SLC24A2: variants seen among roughly 807,000 people sequenced by gnomAD.
SLC24A2 encodes the protein sodium/potassium/calcium exchanger 2.
A neutral mutation model predicts 62.0 loss-of-function variants in SLC24A2; 36 were observed. The observed-to-expected ratio is 0.58, with a 90% CI of 0.44 to 0.77. The LOEUF is 0.77. Among genes scored for constraint, SLC24A2 ranks in the 30% least tolerant of loss-of-function variants. The pLI is 0.00. For synonymous variants in SLC24A2, 358 were observed against 294.0 expected (o/e 1.22, Z -2.23); for missense variants, 846 against 817.9 (o/e 1.03, Z -0.42).
At chr9:20,044,199 A>G in the SLC24A2 span, among the ~76,000 whole-genome samples, 5 of 152,110 alleles carry the variant, frequency 3.3e-5, no homozygotes, top group African/African-American at 4.8e-5. Context: ...GGTATTCCAC[A>G]CTTAATAGAC....
At chr9:20,236,174 T>A in the SLC24A2 span, among the ~76,000 whole-genome samples, 88 of 152,206 alleles carry the variant, frequency 5.8e-4, 1 homozygote, top group African/African-American at 2.1e-3. Flanking sequence ...CGTGTCTCTG[T>A]GCTAAAGAAA....
At chr9:19,587,088 G>A (rs1355558529) in intron 5 of SLC24A2, among the ~76,000 whole-genome samples, 1 of 152,130 alleles carries the variant, frequency 6.6e-6, no homozygotes, top group African/African-American at 2.4e-5. Flanking sequence ...TTTTGTCAAA[G>A]CCCATATTTT....
chr9:20,306,585 A>T, the SLC24A2 span, among the ~76,000 whole-genome samples: 1 of 152,258 alleles, frequency 6.6e-6, no homozygotes, highest in African/African-American at 2.4e-5. Flanking sequence ...GCCCAGAGCC[A>T]GGGAGGTGGC....
At chr9:19,534,155 A>C (rs1833841535) in intron 8 of SLC24A2, among the ~76,000 whole-genome samples, 1 of 152,174 alleles carries the variant, frequency 6.6e-6, no homozygotes, top group African/African-American at 2.4e-5. Flanking sequence ...TTGTACAGCT[A>C]ATCAGCTGTG....
intron 2 of SLC24A2, among the ~76,000 whole-genome samples, chr9:19,674,507 C>T (rs935402663): frequency 7.9e-5 from 12 of 152,268 alleles, no homozygotes; most frequent in Middle Eastern, 3.4e-3. Flanking sequence ...ACCAATTATT[C>T]CTAGGTTTGG....
chr9:19,595,916 T>A (rs1036209801), intron 5 of SLC24A2, among the ~76,000 whole-genome samples: 2 of 152,118 alleles, frequency 1.3e-5, no homozygotes, highest in African/African-American at 4.8e-5. Context: ...GCTCCTTCTA[T>A]CCCCTTGGTA....
Position 19,513,186 on chromosome 9 carries a change from A to ATATATATATATATATG in SLC24A2, c.*2966_*2967insCATATATATATATATA. ...TATATATATATATATGTATATATAT[A>ATATATATATATATATG]TATATGTATATATTTATATATGTAT... On this transcript the variant is annotated 3_prime_UTR_variant, in exon 11 of 11. Transcript: ENST00000341998. 7.3e-6 allele frequency: 1 copy of ATATATATATATATATG among 137,198 alleles called. No individual in the cohort carries two copies. Among genetic ancestry groups the ATATATATATATATATG allele is most frequent in the African/African-American group, 2.7e-5 (1 of 36,454 alleles). 8.5% of individuals were successfully genotyped at this position (137,198 alleles called of 1,614,324 possible). A position where few individuals can be genotyped will look rare whatever the true frequency, so the allele number is the denominator to read the frequency against.
intron 2 of SLC24A2, among the ~76,000 whole-genome samples, chr9:19,708,089 C>T (rs954376284): frequency 1.3e-5 from 2 of 152,144 alleles, no homozygotes; most frequent in African/African-American, 4.8e-5. Context: ...GCAAAAATCA[C>T]AAGCATTCTT....
the SLC24A2 span, among the ~76,000 whole-genome samples, chr9:20,294,936 A>G: frequency 1.3e-5 from 2 of 152,068 alleles, no homozygotes; most frequent in Non-Finnish European, 2.9e-5. Flanking sequence ...TCAAATTGTC[A>G]TTTACTAAGC....
At chr9:19,990,843 T>A in the SLC24A2 span, among the ~76,000 whole-genome samples, 1 of 108,974 alleles carries the variant, frequency 9.2e-6, no homozygotes, top group African/African-American at 3.5e-5. Context: ...AGTAGCTGTC[T>A]TGGTTATCAA....
the SLC24A2 span, among the ~76,000 whole-genome samples, chr9:19,915,630 T>C: frequency 6.6e-6 from 1 of 152,112 alleles, no homozygotes; most frequent in East Asian, 1.9e-4. Context: ...ATGATAGTAG[T>C]TCTAGTAGGT....
the SLC24A2 span, among the ~76,000 whole-genome samples, chr9:20,105,858 T>C: frequency 6.6e-6 from 1 of 151,740 alleles, no homozygotes. Flanking sequence ...AGAGCAGAAC[T>C]GAAGGAAATA....
intron 2 of SLC24A2, among the ~76,000 whole-genome samples, chr9:19,623,584 T>C (rs985743207): frequency 1.3e-5 from 2 of 152,254 alleles, no homozygotes; most frequent in Non-Finnish European, 1.5e-5. Context: ...TCATTTAAGT[T>C]AGGATTAGCA....
the SLC24A2 span, among the ~76,000 whole-genome samples, chr9:19,905,419 T>A: frequency 1.3e-5 from 2 of 152,014 alleles, no homozygotes; most frequent in Admixed American, 6.5e-5. Flanking sequence ...TTTTTTTTTT[T>A]TCTTTTGAGA....
intron 8 of SLC24A2, among the ~76,000 whole-genome samples, chr9:19,537,088 G>C (rs929320166): frequency 6.6e-6 from 1 of 151,494 alleles, no homozygotes; most frequent in Non-Finnish European, 1.5e-5. Flanking sequence ...GTTCACTGTA[G>C]ATTCTGGATA....
At chr9:19,831,086 G>T in the SLC24A2 span, among the ~76,000 whole-genome samples, 3 of 152,132 alleles carry the variant, frequency 2.0e-5, no homozygotes, top group Non-Finnish European at 4.4e-5. Flanking sequence ...CTTTTATAAG[G>T]GTACTAATCC....
At chr9:19,724,022 T>C (rs575764593) in intron 2 of SLC24A2, among the ~76,000 whole-genome samples, 2 of 152,206 alleles carry the variant, frequency 1.3e-5, no homozygotes, top group Non-Finnish European at 2.9e-5. Context: ...TGATATAATC[T>C]GATTTGTGCT....
chr9:19,517,807 TG>T (rs1833000049), intron 10 of SLC24A2, among the ~76,000 whole-genome samples: 1 of 150,616 alleles, frequency 6.6e-6, no homozygotes. Context: ...TGCCTGAGAG[TG>T]GGGGTGATGG....
chr9:20,238,237 G>A, the SLC24A2 span, among the ~76,000 whole-genome samples: 1 of 152,198 alleles, frequency 6.6e-6, no homozygotes, highest in African/African-American at 2.4e-5. Flanking sequence ...CTAAGAGGCT[G>A]AAGTATTTTT....
Sources: allele counts gnomAD v4.1 joint callset (sites outside exome capture counted in the v4.1 genomes callset), GRCh38; gene constraint gnomAD v4.1.1; transcripts MANE v1.5; gene names NCBI Gene and HGNC (gene_info 2026-07-23, HGNC 2026-07-21).